The following DGKI variants were observed in gnomAD, a reference collection of about 807,000 sequenced individuals.
The protein encoded by DGKI is DAG kinase iota.
A neutral mutation model predicts 147.5 loss-of-function variants in DGKI; 55 were observed. The observed-to-expected ratio is 0.37, with a 90% CI of 0.30 to 0.47. The LOEUF (loss-of-function observed/expected upper bound fraction) is 0.47. Among genes scored for constraint, DGKI ranks in the 20% least tolerant of loss-of-function variants. The probability of loss-of-function intolerance (pLI) is 1.00; values close to 1 mark genes in which losing one functional copy is unlikely to be tolerated. For synonymous variants in DGKI, 469 were observed against 477.1 expected (o/e 0.98, Z 0.22); for missense variants, 1,007 against 1,323.8 (o/e 0.76, Z 3.71).
intron 21 of DGKI, among the ~76,000 whole-genome samples, chr7:137,509,508 G>C (rs971106459): frequency 6.6e-6 from 1 of 152,150 alleles, no homozygotes; most frequent in African/African-American, 2.4e-5. Context: ...CATAGCTGTG[G>C]GGGTTACAAC....
At chr7:137,649,408 C>A (rs1821944538) in intron 5 of DGKI, among the ~76,000 whole-genome samples, 3 of 152,066 alleles carry the variant, frequency 2.0e-5, no homozygotes, top group Admixed American at 6.6e-5. Context: ...GTTAAGATAG[C>A]AAAGCAAGGC....
In DGKI at chr7:137,389,115, T is replaced by C. The variant is rs1234374688; in HGVS notation, c.*2105A>G. 2 of 152,144 alleles carry C rather than the reference T, an allele frequency of 1.3e-5. No homozygotes were observed. The highest frequency in any genetic ancestry group is 4.8e-5 in the African/African-American group (2 of 41,428). 9.4% of individuals were successfully genotyped at this position (152,144 alleles called of 1,614,324 possible). On this transcript the variant is annotated 3_prime_UTR_variant, in exon 33 of 33. Transcript: ENST00000614521. The stretch of plus-strand genomic sequence containing the variant: ...GCCAGATTCCAGTTTGTGTTAAGGA[T>C]TATATTTCTGTCATCACATTTCCTT...
In DGKI at chr7:137,846,717, C is replaced by A. The variant is rs1480865011; in HGVS notation, c.146G>T (p.Gly49Val). The change falls in exon 1 of 33, where the codon GGA becomes GTA. Residue 49 changes from glycine to valine, a missense_variant. By Grantham distance (109) the Gly-to-Val change is moderately radical (BLOSUM62 -3). Around this residue, in one of 5 missense-constraint regions of DGKI, gnomAD observed 137 missense variants for 114.4 expected, o/e 1.20. Coordinates refer to ENST00000614521, the MANE Select transcript of DGKI (RefSeq NM_001321708.2). This position sits in a 1 kb window ranked among gnomAD's most constrained non-coding sequence, Gnocchi z 4.0. ...GAACAPSAAAGAGAMNPSSSA... is the reference protein window; with the variant it reads ...GAACAPSAAAVAGAMNPSSSA... ...GGAGCTGGGGTTCATGGCGCCCGCTCCGGCGGCCGCGGAGGGAGCGCAGGC... is the reference window on the plus strand; with the variant it reads ...GGAGCTGGGGTTCATGGCGCCCGCTACGGCGGCCGCGGAGGGAGCGCAGGC... 11 of 1,025,046 alleles carry A rather than the reference C, an allele frequency of 1.1e-5. No homozygotes were observed. The highest frequency in any genetic ancestry group is 9.3e-6 in the Non-Finnish European group (8 of 857,116). 63.5% of individuals were successfully genotyped at this position (1,025,046 alleles called of 1,614,324 possible).
intron 28 of DGKI, among the ~76,000 whole-genome samples, chr7:137,414,135 C>A (rs565552742): frequency 1.3e-5 from 2 of 152,136 alleles, no homozygotes; most frequent in Non-Finnish European, 2.9e-5. Context: ...CTGAGCAAAA[C>A]CCCCAAAGCT....
At chr7:137,582,369 C>T (rs1819229365) in intron 14 of DGKI, among the ~76,000 whole-genome samples, 1 of 151,820 alleles carries the variant, frequency 6.6e-6, no homozygotes, top group African/African-American at 2.4e-5. Context: ...CAAACCAATA[C>T]TGTAATGTAA....
At chr7:137,641,911 AAG>A (rs1821640992) in intron 6 of DGKI, among the ~76,000 whole-genome samples, 2 of 152,260 alleles carry the variant, frequency 1.3e-5, no homozygotes, top group Non-Finnish European at 2.9e-5. Context: ...TCAAAAAATG[AAG>A]AGTCAAAATA....
chr7:137,548,665 C>T (rs1160220308), intron 20 of DGKI, among the ~76,000 whole-genome samples: 1 of 152,184 alleles, frequency 6.6e-6, no homozygotes, highest in Non-Finnish European at 1.5e-5. Context: ...AAACTCTTTT[C>T]TTTATAAATT....
intron 6 of DGKI, among the ~76,000 whole-genome samples, chr7:137,638,500 AT>A (rs1821442860): frequency 8.4e-6 from 1 of 119,356 alleles, no homozygotes; most frequent in Admixed American, 8.3e-5. Flanking sequence ...ACACATATAT[AT>A]GTATATATAT....
At chr7:137,556,856 G>A (rs1646384) in intron 19 of DGKI, among the ~76,000 whole-genome samples, 16,652 of 152,060 alleles carry the variant, frequency 0.11, 2,057 homozygotes, top group African/African-American at 0.3. Context: ...ACAGTAACCA[G>A]ATATTTGGTC....
At position 137,499,501 on chromosome 7, in the gene DGKI, C is replaced by T. The variant is rs539170450; in HGVS notation, c.2249-11812G>A. Among the ~76,000 whole-genome samples the T allele has an allele frequency of 5.3e-5, 8 of 152,196 alleles. No individual in the cohort carries two copies. The East Asian group carries it at 5.8e-4, about 11-fold the overall frequency. On this transcript the variant is annotated intron_variant, in intron 21 of 32. Coordinates refer to ENST00000614521, the MANE Select transcript of DGKI (RefSeq NM_001321708.2). ...CCTTGTCAATGTGGGCAAGTGTCAT[C>T]GTGTCATCCAATCTGCTTGGGGCCT...
intron 15 of DGKI, 130 bp downstream of exon 15, chr7:137,581,720 C>G: frequency 1.4e-6 from 1 of 739,256 alleles, no homozygotes; most frequent in East Asian, 2.5e-5. Context: ...CAGAGTCATC[C>G]TGAAGGTTAA....
At chr7:137,553,291 C>G (rs748695653) in intron 19 of DGKI, among the ~76,000 whole-genome samples, 6 of 152,164 alleles carry the variant, frequency 3.9e-5, no homozygotes, top group Non-Finnish European at 8.8e-5. Context: ...ATATGCAGCA[C>G]ATTGTTACTT....
intron 1 of DGKI, among the ~76,000 whole-genome samples, chr7:137,733,174 C>G (rs1794932201): frequency 6.6e-6 from 1 of 151,748 alleles, no homozygotes; most frequent in South Asian, 2.1e-4. Context: ...AACCATCTAC[C>G]ACCAACCATC....
intron 21 of DGKI, among the ~76,000 whole-genome samples, chr7:137,501,632 T>C (rs1816173659): frequency 6.6e-6 from 1 of 152,220 alleles, no homozygotes; most frequent in Non-Finnish European, 1.5e-5. Context: ...TACCCAGGGA[T>C]GTCTAAAGCA....
chr7:137,834,188 T>C (rs533633954), intron 1 of DGKI, among the ~76,000 whole-genome samples: 1 of 152,338 alleles, frequency 6.6e-6, no homozygotes, highest in African/African-American at 2.4e-5. Flanking sequence ...CTCCCAGATA[T>C]GCTTTTTCTG....
At chr7:137,788,976 A>G (rs1796763187) in intron 1 of DGKI, among the ~76,000 whole-genome samples, 1 of 152,188 alleles carries the variant, frequency 6.6e-6, no homozygotes, top group South Asian at 2.1e-4. Flanking sequence ...CAAATTGCTC[A>G]ATAAGTATTT....
chr7:137,736,345 G>C (rs753899269), intron 1 of DGKI, among the ~76,000 whole-genome samples: 44 of 152,178 alleles, frequency 2.9e-4, no homozygotes, highest in Non-Finnish European at 5.7e-4. Flanking sequence ...GGCTAATGTA[G>C]GGGTTCTGGA....
rs202017950 is a variant in DGKI at position 137,395,611 on chromosome 7, T to G, written c.3044A>C (p.Lys1015Thr). 1 of 1,614,110 alleles carries G rather than the reference T, an allele frequency of 6.2e-7. No homozygotes were observed. Among genetic ancestry groups the G allele is most frequent in the Non-Finnish European group, 8.5e-7 (1 of 1,179,934 alleles). ...LLVDAGASLR[K>T]TDSKGKTPQE... is the part of the protein sequence containing the mutation. ...TCATCGAGTTACCTTGGAGTCCGTCTTTCTCAGAGATGCTCCTGCATCCAC... is the reference window on the plus strand; with the variant it reads ...TCATCGAGTTACCTTGGAGTCCGTCGTTCTCAGAGATGCTCCTGCATCCAC... Residue 1015 changes from lysine to threonine, a missense_variant, in exon 32 of 33, where the codon AAG becomes ACG. Around this residue, in one of 5 missense-constraint regions of DGKI, gnomAD observed 385 missense variants for 445.2 expected, o/e 0.86. Coordinates refer to ENST00000614521, the MANE Select transcript of DGKI (RefSeq NM_001321708.2).
intron 28 of DGKI, among the ~76,000 whole-genome samples, chr7:137,437,015 C>T (rs1406816092): frequency 2.0e-5 from 3 of 152,250 alleles, no homozygotes; most frequent in African/African-American, 7.2e-5. Flanking sequence ...CAAGTACTGT[C>T]ACCTGCATCA....
Sources: gnomAD v4.1 joint callset for allele counts (sites outside exome capture counted in the v4.1 genomes callset) on GRCh38, gnomAD v4.1.1 for gene constraint, gnomAD v4.1.1 regional missense constraint, Gnocchi (gnomAD v3.1) non-coding constraint, MANE v1.5 for transcripts, NCBI Gene and HGNC (gene_info 2026-07-23, HGNC 2026-07-21) for gene names.